TSNAX: variants seen among roughly 807,000 people sequenced by gnomAD.
TSNAX encodes the protein translin associated factor X.
TSNAX carries 12 observed loss-of-function variants against 33.0 expected under a neutral mutation model. That is an observed-to-expected ratio of 0.36 (90% CI 0.23 to 0.59). The LOEUF (loss-of-function observed/expected upper bound fraction) is 0.59. Among genes scored for constraint, TSNAX ranks in the 20% least tolerant of loss-of-function variants. TSNAX has a pLI of 0.74. For missense variants in TSNAX, 267 were observed against 341.3 expected, an observed-to-expected ratio of 0.78 and a Z score of 1.72; for synonymous variants, 110 against 117.2, an observed-to-expected ratio of 0.94 and a Z score of 0.40.
intron 4 of TSNAX, among the ~76,000 whole-genome samples, chr1:231,546,726 T>A (rs1200671930): frequency 1.3e-5 from 2 of 152,228 alleles, no homozygotes; most frequent in African/African-American, 4.8e-5. Flanking sequence ...CTTTCTCTCT[T>A]GAAGACCAGG....
chr1:231,553,647 C>G (rs1040722963), intron 4 of TSNAX, among the ~76,000 whole-genome samples: 4 of 151,684 alleles, frequency 2.6e-5, no homozygotes, highest in Non-Finnish European at 5.9e-5. Context: ...TGAACTTTCT[C>G]CACATTATAG....
Position 231,528,723 on chromosome 1 carries a change from T to C in TSNAX, c.-88T>C. 1 of 1,540,382 alleles carries C rather than the reference T, an allele frequency of 6.5e-7. No individual in the cohort carries two copies. Among genetic ancestry groups the C allele is most frequent in the Non-Finnish European group, 9.0e-7 (1 of 1,116,918 alleles). Reference sequence around the variant, plus strand: ...GCAAAGCGTTTTTCTGCAGGCTGTTTTCCCAGGTTCCCTCGGCCTGTACCT... The same window carrying C: ...GCAAAGCGTTTTTCTGCAGGCTGTTCTCCCAGGTTCCCTCGGCCTGTACCT... On this transcript the variant is annotated 5_prime_UTR_variant, in exon 1 of 6. Transcript: ENST00000366639.
intron 2 of TSNAX, among the ~76,000 whole-genome samples, chr1:231,532,131 A>AACACACACACACACACACAC (rs745744924): frequency 0.017 from 1,415 of 85,054 alleles, 63 homozygotes; most frequent in East Asian, 0.038. Flanking sequence ...TAGTGGTAAT[A>AACACACACACACACACACAC]ACACACACAC....
chr1:231,554,015 T>C (rs1191583771), intron 4 of TSNAX, among the ~76,000 whole-genome samples: 2 of 152,156 alleles, frequency 1.3e-5, no homozygotes, highest in Non-Finnish European at 2.9e-5. Flanking sequence ...GGAGCAAAAA[T>C]GGCCACCTCA....
In TSNAX at chr1:231,565,897, C is replaced by T. The variant is rs1400297923; in HGVS notation, c.*992C>T. 6.6e-6 allele frequency: 1 copy of T among 151,442 alleles called. No individual in the cohort carries two copies. Among genetic ancestry groups the T allele is most frequent in the Non-Finnish European group, 1.5e-5 (1 of 67,916 alleles). The allele number at this position is 151,442 out of a possible 1,614,324, so 9.4% of individuals were successfully genotyped here. ...TTTATTTTTTGTTTTTTTTTAATCA[C>T]AGTAGGTCTGATAGAGAATTGGAGC... is the stretch of plus-strand genomic sequence containing the variant. On this transcript the variant is annotated 3_prime_UTR_variant, in exon 6 of 6. Coordinates refer to ENST00000366639, the MANE Select transcript of TSNAX (RefSeq NM_005999.3).
intron 5 of TSNAX, among the ~76,000 whole-genome samples, chr1:231,562,483 A>T (rs1558139441): frequency 6.6e-6 from 1 of 152,130 alleles, no homozygotes; most frequent in Non-Finnish European, 1.5e-5. Flanking sequence ...TTTTTTATTC[A>T]TATAGTGTAG....
Position 231,565,943 on chromosome 1 carries a change from G to C in TSNAX, c.*1038G>C, listed in dbSNP as rs1190647322. 1 of 151,046 alleles carries C rather than the reference G, an allele frequency of 6.6e-6. No individual in the cohort carries two copies. The highest frequency in any genetic ancestry group is 1.5e-5 in the Non-Finnish European group (1 of 67,824). The allele number at this position is 151,046 out of a possible 1,614,324, so 9.4% of individuals were successfully genotyped here. ...GGAGCTAAATTATAATATTTTTGTT[G>C]GTAAAGTTGAGTTATATACTTGTAC... On this transcript the variant is annotated 3_prime_UTR_variant, in exon 6 of 6. Transcript: ENST00000366639.
At chr1:231,529,113 CTCTG>C (rs1274202743) in intron 1 of TSNAX, 138 bp from the exon 2 acceptor site, 1 of 832,924 alleles carries the variant, frequency 1.2e-6, no homozygotes, top group Non-Finnish European at 1.9e-6. Context: ...TGGGCAGCGT[CTCTG>C]TCAGTCTGCG....
intron 2 of TSNAX, among the ~76,000 whole-genome samples, chr1:231,531,731 G>A (rs964520709): frequency 2.0e-5 from 3 of 152,056 alleles, no homozygotes; most frequent in Non-Finnish European, 4.4e-5. Context: ...TACATGATTG[G>A]GTGTTTCCTA....
intron 2 of TSNAX, among the ~76,000 whole-genome samples, chr1:231,533,853 G>A (rs901247336): frequency 1.2e-4 from 19 of 152,228 alleles, no homozygotes; most frequent in African/African-American, 4.6e-4. Flanking sequence ...ATATTTCCTA[G>A]GAAGAAGACT....
chr1:231,547,486 G>C (rs1302259541), intron 4 of TSNAX, among the ~76,000 whole-genome samples: 1 of 150,386 alleles, frequency 6.6e-6, no homozygotes, highest in African/African-American at 2.5e-5. Flanking sequence ...CGCCTCCTGG[G>C]TTCACGCCAT....
At chr1:231,560,225 C>T (rs909919504) in intron 4 of TSNAX, among the ~76,000 whole-genome samples, 10 of 151,696 alleles carry the variant, frequency 6.6e-5, no homozygotes, top group East Asian at 3.9e-4. Context: ...GTGATCCACC[C>T]GCCTGGGCCT....
intron 4 of TSNAX, among the ~76,000 whole-genome samples, chr1:231,543,132 C>T (rs918409307): frequency 4.6e-5 from 7 of 150,942 alleles, no homozygotes; most frequent in African/African-American, 1.2e-4. Flanking sequence ...GAGCCGAGAT[C>T]GCACCACTGC....
chr1:231,554,109 C>A (rs1240543576), intron 4 of TSNAX, among the ~76,000 whole-genome samples: 1 of 152,158 alleles, frequency 6.6e-6, no homozygotes, highest in Non-Finnish European at 1.5e-5. Flanking sequence ...AACTGACACT[C>A]ACCCATATTT....
intron 5 of TSNAX, among the ~76,000 whole-genome samples, chr1:231,563,172 C>T (rs1661221103): frequency 6.6e-6 from 1 of 152,206 alleles, no homozygotes; most frequent in Non-Finnish European, 1.5e-5. Context: ...ACAATTCTTA[C>T]CTGTATGCCT....
intron 2 of TSNAX, chr1:231,534,976 G>A (rs1375875399): frequency 6.6e-6 from 1 of 152,240 alleles, no homozygotes; most frequent in Non-Finnish European, 1.5e-5. Context: ...CAGTCCTTGA[G>A]CAGAATGATA....
intron 4 of TSNAX, among the ~76,000 whole-genome samples, chr1:231,549,824 AG>A (rs1345031113): frequency 6.6e-6 from 1 of 152,226 alleles, no homozygotes; most frequent in South Asian, 2.1e-4. Flanking sequence ...ACCGATTCCA[AG>A]ATACTATATT....
chr1:231,559,571 G>A (rs543996346), intron 4 of TSNAX, among the ~76,000 whole-genome samples: 96 of 152,228 alleles, frequency 6.3e-4, no homozygotes, highest in African/African-American at 2.1e-3. Context: ...CTCGTGACCC[G>A]CTGGCCTTGG....
intron 4 of TSNAX, among the ~76,000 whole-genome samples, chr1:231,547,226 A>G (rs1659972186): frequency 6.6e-6 from 1 of 152,112 alleles, no homozygotes; most frequent in South Asian, 2.1e-4. Context: ...TAGTTCTACT[A>G]CCTAATTTTG....
Sources: gnomAD v4.1 joint callset for allele counts (sites outside exome capture counted in the v4.1 genomes callset) on GRCh38, gnomAD v4.1.1 for gene constraint, MANE v1.5 for transcripts, NCBI Gene and HGNC (gene_info 2026-07-23, HGNC 2026-07-21) for gene names.